The following PRELID2 variants were observed in gnomAD, a reference collection of about 807,000 sequenced individuals.
PRELID2 encodes PRELI domain containing 2.
PRELID2 carries 25 observed loss-of-function variants against 28.4 expected under a neutral mutation model. That is an observed-to-expected ratio of 0.88 (90% confidence interval 0.64 to 1.23). The LOEUF is 1.23. Ranked by LOEUF, PRELID2 falls within the 50% of genes most tolerant of loss-of-function variation. The pLI is 0.00. For synonymous variants in PRELID2, 76 were observed against 71.6 expected, an observed-to-expected ratio of 1.06 and a Z score of -0.31; for missense variants, 201 against 214.4, an observed-to-expected ratio of 0.94 and a Z score of 0.39.
chr5:145,532,492 T>C (rs1752661924), intron 1 of PRELID2, among the ~76,000 whole-genome samples: 1 of 152,136 alleles, frequency 6.6e-6, no homozygotes, highest in African/African-American at 2.4e-5. Flanking sequence ...ATTTACAATC[T>C]GCTCTTAGTG....
intron 1 of PRELID2, among the ~76,000 whole-genome samples, chr5:145,633,260 A>G (rs1416421858): frequency 6.6e-6 from 1 of 152,182 alleles, no homozygotes; most frequent in African/African-American, 2.4e-5. Context: ...GTAAGCCACT[A>G]AATCCATAAT....
chr5:145,638,540 AG>A (rs1312061676), intron 1 of PRELID2, among the ~76,000 whole-genome samples: 2 of 152,330 alleles, frequency 1.3e-5, no homozygotes, highest in East Asian at 3.9e-4. Flanking sequence ...GAAGAGCATA[AG>A]CCATGTCTCT....
the PRELID2 span, among the ~76,000 whole-genome samples, chr5:145,283,472 C>T: frequency 2.0e-5 from 3 of 152,152 alleles, no homozygotes; most frequent in East Asian, 3.9e-4. Flanking sequence ...GTTTAGAAGG[C>T]TGGAAATAAA....
chr5:145,462,494 A>T, the PRELID2 span, among the ~76,000 whole-genome samples: 2 of 152,236 alleles, frequency 1.3e-5, no homozygotes, highest in Non-Finnish European at 1.5e-5. Context: ...CAAAAATTGC[A>T]TGAATTCAGA....
At chr5:145,247,874 T>G in the PRELID2 span, among the ~76,000 whole-genome samples, 1 of 152,114 alleles carries the variant, frequency 6.6e-6, no homozygotes, top group Non-Finnish European at 1.5e-5. Flanking sequence ...TTATCATGTC[T>G]CTTTATTATA....
At chr5:145,356,127 A>G in the PRELID2 span, among the ~76,000 whole-genome samples, 1 of 152,010 alleles carries the variant, frequency 6.6e-6, no homozygotes, top group East Asian at 1.9e-4. Context: ...TTGACCTAAC[A>G]CTGGCCTCAT....
At chr5:145,827,043 C>T (rs1470612682) in intron 1 of PRELID2, among the ~76,000 whole-genome samples, 2 of 152,042 alleles carry the variant, frequency 1.3e-5, no homozygotes, top group East Asian at 1.9e-4. Context: ...AGAGAGAGTA[C>T]AAGGAAGCAG....
chr5:145,374,123 G>GT, the PRELID2 span, among the ~76,000 whole-genome samples: 8 of 151,700 alleles, frequency 5.3e-5, no homozygotes, highest in South Asian at 1.7e-3. Context: ...GCTGGTACTG[G>GT]TTTTTCCTTT....
the PRELID2 span, among the ~76,000 whole-genome samples, chr5:145,416,849 C>A: frequency 6.6e-6 from 1 of 151,924 alleles, no homozygotes; most frequent in African/African-American, 2.4e-5. Flanking sequence ...ATCAGTGAAT[C>A]CAGCTTTAAC....
intron 1 of PRELID2, among the ~76,000 whole-genome samples, chr5:145,567,702 C>T (rs1752979858): frequency 6.6e-6 from 1 of 152,220 alleles, no homozygotes; most frequent in South Asian, 2.1e-4. Flanking sequence ...ATGTGTCTGG[C>T]ACTTCTCCTG....
chr5:145,229,570 C>T, the PRELID2 span: 8 of 1,475,710 alleles, frequency 5.4e-6, no homozygotes, highest in African/African-American at 9.7e-5. Context: ...TGGAGCTCTT[C>T]ATGTACCTGA....
intron 1 of PRELID2, among the ~76,000 whole-genome samples, chr5:145,524,937 A>T (rs966646476): frequency 1.3e-5 from 2 of 152,210 alleles, no homozygotes; most frequent in Non-Finnish European, 2.9e-5. Context: ...CCTCTGTTAC[A>T]TAGGAAGAGT....
the PRELID2 span, among the ~76,000 whole-genome samples, chr5:145,315,913 T>C: frequency 6.6e-6 from 1 of 152,220 alleles, no homozygotes; most frequent in Admixed American, 6.5e-5. Context: ...CATACTTCAA[T>C]TAAGCTGTTA....
the PRELID2 span, among the ~76,000 whole-genome samples, chr5:145,258,686 T>C: frequency 6.6e-6 from 1 of 152,196 alleles, no homozygotes. Context: ...TTGAAACTTA[T>C]ATTTAAAAGA....
chr5:145,261,703 C>T, the PRELID2 span, among the ~76,000 whole-genome samples: 3 of 152,128 alleles, frequency 2.0e-5, no homozygotes, highest in African/African-American at 7.2e-5. Context: ...AGCCCTTGAG[C>T]CCCTGATCTT....
chr5:145,763,706 C>T (rs934994178), intron 6 of PRELID2, among the ~76,000 whole-genome samples: 1 of 152,192 alleles, frequency 6.6e-6, no homozygotes, highest in African/African-American at 2.4e-5. Context: ...TAAACCAACA[C>T]AAGAAAACCT....
At chr5:145,571,151 G>C (rs1486413320) in intron 1 of PRELID2, among the ~76,000 whole-genome samples, 1 of 152,152 alleles carries the variant, frequency 6.6e-6, no homozygotes, top group Non-Finnish European at 1.5e-5. Context: ...TAATTCCCCA[G>C]GTTCAAATTT....
intron 1 of PRELID2, among the ~76,000 whole-genome samples, chr5:145,609,569 AC>A (rs1468745021): frequency 2.6e-5 from 4 of 152,214 alleles, no homozygotes; most frequent in Non-Finnish European, 1.5e-5. Flanking sequence ...ATGGGGTTGC[AC>A]CTGCCTGCAG....
the PRELID2 span, among the ~76,000 whole-genome samples, chr5:145,301,930 C>CTTTTTTTTTTTTTTTT: frequency 1.8e-5 from 2 of 110,184 alleles, no homozygotes; most frequent in Admixed American, 1.0e-4. Context: ...TTATTCATTT[C>CTTTTTTTTTTTTTTTT]TTTTTTTTTT....
Sources: gnomAD v4.1 joint callset for allele counts (sites outside exome capture counted in the v4.1 genomes callset) on GRCh38, gnomAD v4.1.1 for gene constraint, MANE v1.5 for transcripts, NCBI Gene and HGNC (gene_info 2026-07-23, HGNC 2026-07-21) for gene names.